PABPC4L: variants seen among roughly 807,000 people sequenced by gnomAD.
PABPC4L encodes poly(A) binding protein cytoplasmic 4 like.
For missense variants in PABPC4L, 452 were observed against 451.4 expected, an observed-to-expected ratio of 1.00 and a Z score of -0.01; for synonymous variants, 169 against 164.1, an observed-to-expected ratio of 1.03 and a Z score of -0.23.
At chr4:134,115,151 A>T in the PABPC4L span, among the ~76,000 whole-genome samples, 5 of 151,892 alleles carry the variant, frequency 3.3e-5, no homozygotes, top group Non-Finnish European at 7.4e-5. Flanking sequence ...TCAAAGAGAT[A>T]ACACAGACTA....
chr4:134,102,651 G>A, the PABPC4L span, among the ~76,000 whole-genome samples: 2 of 151,428 alleles, frequency 1.3e-5, no homozygotes, highest in African/African-American at 4.8e-5. Context: ...AGCCAATCAC[G>A]GAAGAAGTCA....
the PABPC4L span, among the ~76,000 whole-genome samples, chr4:134,022,199 T>C: frequency 6.6e-6 from 1 of 152,170 alleles, no homozygotes; most frequent in African/African-American, 2.4e-5. Context: ...GTTCAGTCAC[T>C]TTAATTTTTC....
the PABPC4L span, among the ~76,000 whole-genome samples, chr4:134,070,868 G>T: frequency 6.6e-6 from 1 of 152,246 alleles, no homozygotes; most frequent in African/African-American, 2.4e-5. Context: ...ACACAGATCA[G>T]ACTGGCCTTG....
chr4:134,192,516 A>C (rs2126194114), downstream of PABPC4L, among the ~76,000 whole-genome samples: 1 of 152,226 alleles, frequency 6.6e-6, no homozygotes, highest in Non-Finnish European at 1.5e-5. Context: ...CTTGAAAATA[A>C]ATTTATACTA....
the PABPC4L span, among the ~76,000 whole-genome samples, chr4:134,101,770 G>A: frequency 2.1e-3 from 311 of 151,490 alleles, 1 homozygote; most frequent in Non-Finnish European, 3.3e-3. Context: ...CAGTGTGTGC[G>A]TGGATAAAGC....
At chr4:134,138,104 C>T in the PABPC4L span, among the ~76,000 whole-genome samples, 1 of 151,662 alleles carries the variant, frequency 6.6e-6, no homozygotes, top group Non-Finnish European at 1.5e-5. Flanking sequence ...TGAAAATCTA[C>T]ATCTAAAACA....
At chr4:134,031,910 C>A in the PABPC4L span, among the ~76,000 whole-genome samples, 1 of 151,730 alleles carries the variant, frequency 6.6e-6, no homozygotes, top group Non-Finnish European at 1.5e-5. Context: ...TAAATCTATA[C>A]CTAATCAAAA....
chr4:133,961,114 A>G, the PABPC4L span, among the ~76,000 whole-genome samples: 1 of 152,106 alleles, frequency 6.6e-6, no homozygotes, highest in African/African-American at 2.4e-5. Context: ...CAGACCAAAA[A>G]TAGAACATTA....
chr4:134,076,025 A>G, the PABPC4L span, among the ~76,000 whole-genome samples: 2 of 152,128 alleles, frequency 1.3e-5, no homozygotes, highest in Admixed American at 6.6e-5. Context: ...GAAAAAAAAA[A>G]AGAGAAGTGA....
the PABPC4L span, among the ~76,000 whole-genome samples, chr4:133,983,305 T>C: frequency 6.6e-6 from 1 of 151,868 alleles, no homozygotes; most frequent in Non-Finnish European, 1.5e-5. Flanking sequence ...GGTAATAACA[T>C]CTATATATAT....
the PABPC4L span, among the ~76,000 whole-genome samples, chr4:133,966,489 A>G: frequency 6.6e-6 from 1 of 152,232 alleles, no homozygotes; most frequent in Non-Finnish European, 1.5e-5. Context: ...CATTACACGT[A>G]AAAGATACTT....
At chr4:134,073,470 G>T in the PABPC4L span, among the ~76,000 whole-genome samples, 2 of 152,166 alleles carry the variant, frequency 1.3e-5, no homozygotes, top group Non-Finnish European at 2.9e-5. Flanking sequence ...GCTTTCACGG[G>T]CTGGTGTTGT....
At chr4:133,979,505 T>C in the PABPC4L span, among the ~76,000 whole-genome samples, 38 of 152,276 alleles carry the variant, frequency 2.5e-4, no homozygotes, top group Non-Finnish European at 4.9e-4. Flanking sequence ...TTCCAACAGA[T>C]GCAATACAGA....
the PABPC4L span, among the ~76,000 whole-genome samples, chr4:134,164,088 C>A: frequency 2.0e-5 from 3 of 150,594 alleles, no homozygotes; most frequent in African/African-American, 7.3e-5. Flanking sequence ...ATGGTGAAAC[C>A]CCGTCTCTAC....
At chr4:133,952,281 A>G in the PABPC4L span, among the ~76,000 whole-genome samples, 2 of 152,078 alleles carry the variant, frequency 1.3e-5, no homozygotes, top group African/African-American at 4.8e-5. Context: ...AGATTTTCCT[A>G]TTCAAAGGCA....
At chr4:134,142,039 T>C in the PABPC4L span, among the ~76,000 whole-genome samples, 1 of 151,710 alleles carries the variant, frequency 6.6e-6, no homozygotes, top group East Asian at 1.9e-4. Flanking sequence ...ATTTCATGTT[T>C]ATGCAGAGGA....
chr4:134,016,399 C>T, the PABPC4L span, among the ~76,000 whole-genome samples: 6 of 152,286 alleles, frequency 3.9e-5, no homozygotes, highest in Non-Finnish European at 5.9e-5. Context: ...CTCAAAGCTG[C>T]TTTACTTCTA....
At chr4:134,151,168 C>G in the PABPC4L span, among the ~76,000 whole-genome samples, 8 of 152,038 alleles carry the variant, frequency 5.3e-5, no homozygotes, top group Non-Finnish European at 7.4e-5. Context: ...AAATAAATTT[C>G]TGAAAGGCAG....
the PABPC4L span, among the ~76,000 whole-genome samples, chr4:134,081,948 C>T: frequency 6.6e-6 from 1 of 152,022 alleles, no homozygotes; most frequent in African/African-American, 2.4e-5. Flanking sequence ...GAAGAGTTCA[C>T]AAAATTCAAA....
Sources: allele counts gnomAD v4.1 joint callset (sites outside exome capture counted in the v4.1 genomes callset), GRCh38; gene constraint gnomAD v4.1.1; transcripts MANE v1.5; gene names NCBI Gene and HGNC (gene_info 2026-07-23, HGNC 2026-07-21).